The following CNTN6 variants were observed in gnomAD, a reference collection of about 807,000 sequenced individuals.
CNTN6 encodes contactin 6, also known as contactin-6.
In CNTN6, 137 loss-of-function variants were observed where a neutral mutation model predicts 122.8. The observed-to-expected ratio is 1.12, with a 90% CI of 0.97 to 1.29. The LOEUF is 1.29. Among genes scored for constraint, CNTN6 ranks in the 50% most tolerant of loss-of-function variants. CNTN6 has a pLI of 0.00. For missense variants in CNTN6, 1,634 were observed against 1,223.4 expected (o/e 1.34, Z -5.01); for synonymous variants, 570 against 426.0 (o/e 1.34, Z -4.16).
rs747715716 is a variant in CNTN6 at position 1,385,587 on chromosome 3, C to A, written c.2518-24C>A. On this transcript the variant is annotated intron_variant, in intron 19 of 22. Transcript: ENST00000446702. ...ATAGTTATTGGGGAACAATAAATTG[C>A]TTGTTTTGGTTTTTAATTATCAGGT... is the stretch of plus-strand genomic sequence containing the variant. The A allele has an allele frequency of 8.4e-6, 13 of 1,556,708 alleles. No individual in the cohort carries two copies. In the African/African-American group the frequency reaches 1.4e-4, roughly 17 times the overall value.
In CNTN6 at chr3:1,182,767, G is replaced by A. The variant is rs147000419; in HGVS notation, c.55+34704G>A. On this transcript the variant is annotated intron_variant, in intron 2 of 22. Transcript: ENST00000446702. ...TTATATTTCAGTTCCAGCTATAAAA[G>A]TGTAATACAATTGAAATGTTTATCA... Among the ~76,000 whole-genome samples, 366 of 152,148 alleles carry A rather than the reference G, an allele frequency of 2.4e-3. 1 individual carries two copies. The highest frequency in any genetic ancestry group is 0.01 in the Middle Eastern group (3 of 292).
At chr3:1,284,893 A>T (rs1694078730) in intron 5 of CNTN6, among the ~76,000 whole-genome samples, 1 of 150,606 alleles carries the variant, frequency 6.6e-6, no homozygotes, top group Admixed American at 6.6e-5. Flanking sequence ...TGAGGTCAGC[A>T]TAGGTGAATT....
chr3:1,164,692 AT>A (rs2093207641), intron 2 of CNTN6, among the ~76,000 whole-genome samples: 1 of 152,152 alleles, frequency 6.6e-6, no homozygotes, highest in Admixed American at 6.5e-5. Flanking sequence ...TGGCATAGGT[AT>A]TTTTTGTCTC....
At chr3:1,101,129 A>G (rs949890150) in intron 1 of CNTN6, among the ~76,000 whole-genome samples, 1 of 152,154 alleles carries the variant, frequency 6.6e-6, no homozygotes, top group Admixed American at 6.5e-5. Context: ...GCTTCAAATT[A>G]TATTACCATA....
chr3:1,213,679 TAGA>T (rs1426150604), intron 2 of CNTN6, among the ~76,000 whole-genome samples: 4 of 151,980 alleles, frequency 2.6e-5, no homozygotes, highest in East Asian at 1.9e-4. Context: ...GATAATAGCA[TAGA>T]AGAATACAAA....
chr3:1,244,796 G>A (rs1372638579), intron 4 of CNTN6, among the ~76,000 whole-genome samples: 4 of 151,904 alleles, frequency 2.6e-5, no homozygotes, highest in African/African-American at 9.7e-5. Context: ...GTCAAAGGGG[G>A]TTGTTCTCTG....
chr3:1,336,176 TAA>T (rs1703036849), intron 11 of CNTN6, among the ~76,000 whole-genome samples: 1 of 136,118 alleles, frequency 7.3e-6, no homozygotes, highest in African/African-American at 3.1e-5. Context: ...ATCAAATAAA[TAA>T]AATAAAATAA....
chr3:1,370,178 T>A (rs1275433796), intron 12 of CNTN6, among the ~76,000 whole-genome samples: 1 of 151,316 alleles, frequency 6.6e-6, no homozygotes, highest in African/African-American at 2.4e-5. Flanking sequence ...GTTGGCCAAG[T>A]TTTTTTTTAA....
chr3:1,095,725 A>C (rs1348878305), intron 1 of CNTN6, among the ~76,000 whole-genome samples: 1 of 152,214 alleles, frequency 6.6e-6, no homozygotes, highest in East Asian at 1.9e-4. Context: ...ACAAACTTTT[A>C]TAACCCTTGT....
intron 2 of CNTN6, among the ~76,000 whole-genome samples, chr3:1,198,191 CA>C (rs963660843): frequency 6.6e-6 from 1 of 151,706 alleles, no homozygotes. Flanking sequence ...AAAAAACAAA[CA>C]AAAAAAACTT....
At chr3:1,251,764 G>T (rs1423494198) in intron 4 of CNTN6, among the ~76,000 whole-genome samples, 5 of 152,058 alleles carry the variant, frequency 3.3e-5, no homozygotes, top group African/African-American at 1.2e-4. Context: ...AAAAGTATGA[G>T]CTAGTATTTT....
At chr3:1,127,911 C>T (rs2092220990) in intron 1 of CNTN6, among the ~76,000 whole-genome samples, 1 of 151,832 alleles carries the variant, frequency 6.6e-6, no homozygotes, top group Non-Finnish European at 1.5e-5. Flanking sequence ...GAACAGAAGC[C>T]TATGAGATAT....
chr3:1,317,683 T>G (rs913333483), intron 7 of CNTN6, among the ~76,000 whole-genome samples: 7 of 151,720 alleles, frequency 4.6e-5, no homozygotes, highest in Non-Finnish European at 7.4e-5. Context: ...AGAGCCATTC[T>G]GCAAGCAGTC....
intron 2 of CNTN6, among the ~76,000 whole-genome samples, chr3:1,214,685 T>G (rs2094105008): frequency 6.6e-6 from 1 of 152,186 alleles, no homozygotes; most frequent in Non-Finnish European, 1.5e-5. Context: ...TTTACAGACT[T>G]TTCTTCATTG....
At chr3:1,351,015 A>G (rs1255030114) in intron 11 of CNTN6, among the ~76,000 whole-genome samples, 1 of 151,918 alleles carries the variant, frequency 6.6e-6, no homozygotes, top group Non-Finnish European at 1.5e-5. Flanking sequence ...AAGACATTAA[A>G]TGTCTGCTAT....
chr3:1,265,010 G>T, intron 4 of CNTN6, among the ~76,000 whole-genome samples: 2 of 146,596 alleles, frequency 1.4e-5, no homozygotes. Flanking sequence ...ATGTCCTCCA[G>T]GTTCATCCAT....
chr3:1,161,266 T>C (rs2093126838), intron 2 of CNTN6, among the ~76,000 whole-genome samples: 3 of 101,728 alleles, frequency 2.9e-5, no homozygotes, highest in Admixed American at 2.8e-4. Flanking sequence ...ATATGATATA[T>C]ATATATATAT....
intron 19 of CNTN6, 111 bp from the exon 20 acceptor site, chr3:1,385,500 C>T (rs1192370101): frequency 5.3e-6 from 4 of 755,528 alleles, no homozygotes; most frequent in Non-Finnish European, 8.3e-6. Context: ...GTCATCTATA[C>T]TTCTGTCTTC....
At chr3:1,207,415 A>C (rs1006051521) in intron 2 of CNTN6, among the ~76,000 whole-genome samples, 3 of 152,094 alleles carry the variant, frequency 2.0e-5, no homozygotes, top group Admixed American at 6.6e-5. Context: ...AAATTATATC[A>C]ATGCTTTCAG....
Sources: allele counts gnomAD v4.1 joint callset (sites outside exome capture counted in the v4.1 genomes callset), GRCh38; gene constraint gnomAD v4.1.1; transcripts MANE v1.5; gene names NCBI Gene and HGNC (gene_info 2026-07-23, HGNC 2026-07-21).